TNRC6C: variants seen among roughly 807,000 people sequenced by gnomAD.
TNRC6C encodes the protein trinucleotide repeat containing adaptor 6C.
A neutral mutation model predicts 153.7 loss-of-function variants in TNRC6C; 20 were observed. That is an observed-to-expected ratio of 0.13 (90% CI 0.09 to 0.19). The LOEUF (loss-of-function observed/expected upper bound fraction) is 0.19, where lower values mean the gene tolerates loss of function less well. Ranked by LOEUF, TNRC6C falls within the 10% of genes least tolerant of loss-of-function variation. The pLI, the probability that TNRC6C is intolerant of heterozygous loss-of-function variation, is 1.00. For missense variants in TNRC6C, 1,987 were observed against 2,172.0 expected (o/e 0.91, Z 1.69); for synonymous variants, 811 against 841.4 (o/e 0.96, Z 0.63).
At chr17:77,968,677 C>T (rs1325834242) in intron 1 of TNRC6C, among the ~76,000 whole-genome samples, 1 of 152,144 alleles carries the variant, frequency 6.6e-6, no homozygotes, top group African/African-American at 2.4e-5. Context: ...TATGCACATG[C>T]CTATTTAGCC....
intron 2 of TNRC6C, 23 bp from the exon 5 acceptor site, chr17:78,048,822 G>T: frequency 8.1e-7 from 1 of 1,233,140 alleles, no homozygotes; most frequent in South Asian, 4.1e-5. Flanking sequence ...ATCTAATTTT[G>T]AATTTTGTTT....
At chr17:78,023,818 A>G (rs1475700003) in intron 1 of TNRC6C, among the ~76,000 whole-genome samples, 1 of 151,800 alleles carries the variant, frequency 6.6e-6, no homozygotes, top group East Asian at 1.9e-4. Context: ...AAAAACAAAC[A>G]AAAAAGCCTG....
intron 18 of TNRC6C, 23 bp from the exon 22 acceptor site, chr17:78,103,391 T>C: frequency 6.2e-7 from 1 of 1,612,356 alleles, no homozygotes; most frequent in Non-Finnish European, 8.5e-7. Context: ...AGCTCATTCA[T>C]GTCCCTGTGC....
rs1383564802 is a variant in TNRC6C at position 78,104,984 on chromosome 17, G to A, written c.*139G>A. ...CCAGGACTGAAGACGAACCTTGGCC[G>A]CAGTCCTTGCGAACTGTTCGCAAAA... On this transcript the variant is annotated 3_prime_UTR_variant, in exon 20 of 20. Transcript: ENST00000301624. The surrounding 1 kb of genome is among the most constrained non-coding windows in gnomAD (Gnocchi z 6.2). The A allele has an allele frequency of 1.1e-5, 13 of 1,180,490 alleles. No homozygotes were observed. Among genetic ancestry groups the A allele is most frequent in the African/African-American group, 3.2e-5 (2 of 62,234 alleles). The allele number at this position is 1,180,490 out of a possible 1,614,324, so 73.1% of individuals were successfully genotyped here.
rs1201215122 is a variant in TNRC6C at position 78,049,756 on chromosome 17, T to C, written c.694T>C (p.Ser232Pro). Residue 232 changes from serine to proline, a missense_variant, in exon 3 of 20, where the codon TCA becomes CCA. Around this residue, in one of 4 missense-constraint regions of TNRC6C, gnomAD observed 1,052 missense variants for 1,017.0 expected, o/e 1.03. Transcript: ENST00000301624. This position sits in a 1 kb window ranked among gnomAD's most constrained non-coding sequence, Gnocchi z 4.1. ...AGGCCTTCCTGGTGCTAATGGATCA[T>C]CAGTTTCTCAAGTCAGTGGGGGCAG... 2 of 1,589,538 alleles carry C rather than the reference T, an allele frequency of 1.3e-6. No individual in the cohort carries two copies. The highest frequency in any genetic ancestry group is 1.7e-6 in the Non-Finnish European group (2 of 1,166,070).
intron 1 of TNRC6C, among the ~76,000 whole-genome samples, chr17:77,988,948 A>G (rs756472524): frequency 2.0e-5 from 3 of 152,220 alleles, no homozygotes; most frequent in Non-Finnish European, 4.4e-5. Flanking sequence ...CTAGAACATC[A>G]TGTGGCACAT....
At chr17:78,015,008 G>A (rs2071702082) in intron 1 of TNRC6C, among the ~76,000 whole-genome samples, 1 of 151,908 alleles carries the variant, frequency 6.6e-6, no homozygotes, top group Non-Finnish European at 1.5e-5. Flanking sequence ...AATATTCCTT[G>A]GAATCACTGA....
chr17:78,081,871 A>T (rs796106248), intron 10 of TNRC6C, among the ~76,000 whole-genome samples: 9 of 152,292 alleles, frequency 5.9e-5, no homozygotes, highest in African/African-American at 1.9e-4. Context: ...ACCTGTGAGT[A>T]CTGATAGGAA....
chr17:78,008,392 A>G (rs1223120916), intron 1 of TNRC6C: 2 of 152,214 alleles, frequency 1.3e-5, no homozygotes, highest in Non-Finnish European at 2.9e-5. Context: ...CCAAGTGAGT[A>G]CGTTTGTGTG....
At chr17:78,058,427 G>A (rs991111562) in intron 3 of TNRC6C, among the ~76,000 whole-genome samples, 1 of 152,204 alleles carries the variant, frequency 6.6e-6, no homozygotes, top group Non-Finnish European at 1.5e-5. Flanking sequence ...CATTTAGTGA[G>A]TAATGGAGCC....
intron 1 of TNRC6C, among the ~76,000 whole-genome samples, chr17:78,005,497 T>C (rs1249237709): frequency 1.3e-5 from 2 of 152,358 alleles, no homozygotes; most frequent in Admixed American, 6.5e-5. Context: ...CTTATTGATA[T>C]GTAAAAGATT....
chr17:77,978,857 T>TA (rs2071036524), intron 1 of TNRC6C, among the ~76,000 whole-genome samples: 1 of 152,182 alleles, frequency 6.6e-6, no homozygotes, highest in Non-Finnish European at 1.5e-5. Flanking sequence ...CACAAAAACT[T>TA]AGTTTTGAAT....
At chr17:77,961,629 C>T (rs1187328961) in intron 1 of TNRC6C, among the ~76,000 whole-genome samples, 4 of 151,854 alleles carry the variant, frequency 2.6e-5, no homozygotes, top group Admixed American at 2.0e-4. Context: ...TTGCGGGGGG[C>T]GAGGGTGGGT....
At chr17:78,044,157 TA>T in intron 2 of TNRC6C, among the ~76,000 whole-genome samples, 1 of 152,306 alleles carries the variant, frequency 6.6e-6, no homozygotes, top group Admixed American at 6.5e-5. Flanking sequence ...TTTTTCTAAC[TA>T]AAAAAGATTT....
At chr17:78,027,197 C>T (rs2071958481) in intron 1 of TNRC6C, among the ~76,000 whole-genome samples, 1 of 152,018 alleles carries the variant, frequency 6.6e-6, no homozygotes, top group South Asian at 2.1e-4. Context: ...TGGATTTTAG[C>T]AGCAAGAAAG....
At chr17:78,102,243 G>C (rs1469118171) in intron 17 of TNRC6C, among the ~76,000 whole-genome samples, 1 of 152,156 alleles carries the variant, frequency 6.6e-6, no homozygotes, top group African/African-American at 2.4e-5. Flanking sequence ...GGGCTGGTGG[G>C]AAGATCCAAA....
chr17:78,018,584 C>G (rs8080373), intron 1 of TNRC6C, among the ~76,000 whole-genome samples: 1 of 152,080 alleles, frequency 6.6e-6, no homozygotes, highest in African/African-American at 2.4e-5. Context: ...GGGAAAACAA[C>G]GAGTTTGAGC....
At chr17:78,090,550 T>A (rs2144545954) in intron 13 of TNRC6C, among the ~76,000 whole-genome samples, 1 of 152,330 alleles carries the variant, frequency 6.6e-6, no homozygotes, top group South Asian at 2.1e-4. Flanking sequence ...GTGCTGGTTA[T>A]TCCCTTCCAA....
chr17:77,990,005 C>G (rs1311863352), intron 1 of TNRC6C, among the ~76,000 whole-genome samples: 1 of 152,196 alleles, frequency 6.6e-6, no homozygotes, highest in African/African-American at 2.4e-5. Context: ...TTTAATGTTT[C>G]AAGCATCTCA....
Sources: gnomAD v4.1 joint callset for allele counts (sites outside exome capture counted in the v4.1 genomes callset) on GRCh38, gnomAD v4.1.1 for gene constraint, gnomAD v4.1.1 regional missense constraint, Gnocchi (gnomAD v3.1) non-coding constraint, MANE v1.5 for transcripts, NCBI Gene and HGNC (gene_info 2026-07-23, HGNC 2026-07-21) for gene names.